The following SOAT2 variants were observed in gnomAD, a reference collection of about 807,000 sequenced individuals.
The protein encoded by SOAT2 is ACAT-2.
A neutral mutation model predicts 76.0 loss-of-function variants in SOAT2; 87 were observed. That is an observed-to-expected ratio of 1.14 (90% confidence interval 0.96 to 1.37). The LOEUF (loss-of-function observed/expected upper bound fraction) is 1.37. Ranked by LOEUF, SOAT2 falls within the 40% of genes most tolerant of loss-of-function variation. SOAT2 has a pLI of 0.00. For synonymous variants in SOAT2, 285 were observed against 275.4 expected, an observed-to-expected ratio of 1.03 and a Z score of -0.34; for missense variants, 686 against 682.1, an observed-to-expected ratio of 1.01 and a Z score of -0.06.
intron 7 of SOAT2, among the ~76,000 whole-genome samples, 174 bp downstream of exon 7, chr12:53,116,340 C>T (rs1347873745): frequency 3.9e-5 from 6 of 152,246 alleles, no homozygotes; most frequent in Non-Finnish European, 8.8e-5. Context: ...GCATTCTCAG[C>T]CCCTGCCTCT....
rs569736015 is a variant in SOAT2 at position 53,105,039 on chromosome 12, A to C, written c.139-68A>C. 3 of 1,467,124 alleles carry C rather than the reference A, an allele frequency of 2.0e-6. No homozygotes were observed. In the South Asian group the frequency reaches 3.7e-5, roughly 18 times the overall value. The allele number at this position is 1,467,124 out of a possible 1,614,324, so 90.9% of individuals were successfully genotyped here. A position where few individuals can be genotyped will look rare whatever the true frequency, so the allele number is the denominator to read the frequency against. ...GCCTGGCATAGACAGAAATTCAGTG[A>C]ATGTCTGGTGAATGAAAGGATGGCT... is the stretch of plus-strand genomic sequence containing the variant. On this transcript the variant is annotated intron_variant, in intron 2 of 14. Coordinates refer to ENST00000301466, the MANE Select transcript of SOAT2 (RefSeq NM_003578.4).
rs1408358168 is a variant in SOAT2 at position 53,103,679 on chromosome 12, GC to G, written c.82+21del. The stretch of plus-strand genomic sequence containing the variant: ...GAGATGGTGAGCCGCCCTCGGGGGT[GC>G]AGAAGGCACAGGCAAGTGGGGGGGA... On this transcript the variant is annotated intron_variant, in intron 1 of 14. Coordinates refer to ENST00000301466, the MANE Select transcript of SOAT2 (RefSeq NM_003578.4). The G allele has an allele frequency of 2.9e-5, 44 of 1,505,956 alleles. No individual in the cohort carries two copies. Among genetic ancestry groups the G allele is most frequent in the Non-Finnish European group, 3.7e-5 (42 of 1,128,806 alleles). The allele number at this position is 1,505,956 out of a possible 1,614,324, so 93.3% of individuals were successfully genotyped here.
chr12:53,124,114 C>T lies in SOAT2; in HGVS notation c.1560C>T (p.Cys520=), dbSNP rs1938239329. 7 of 1,614,034 alleles carry T rather than the reference C, an allele frequency of 4.3e-6. No homozygotes were observed. The highest frequency in any genetic ancestry group is 5.1e-6 in the Non-Finnish European group (6 of 1,180,024). ...TGGTGACACCTCGATCTTGGTCCTG[C>T]CATACCTAGAGGTCGGGACAGACGA... is the stretch of plus-strand genomic sequence containing the variant. ...WGLVTPRSWS[C]HT The change falls in exon 15 of 15, where the codon TGC becomes TGT. Residue 520 remains cysteine, a synonymous_variant. Coordinates refer to ENST00000301466, the MANE Select transcript of SOAT2 (RefSeq NM_003578.4).
chr12:53,114,711 ACT>A (rs1199552728), intron 5 of SOAT2, among the ~76,000 whole-genome samples: 1 of 152,034 alleles, frequency 6.6e-6, no homozygotes, highest in East Asian at 1.9e-4. Context: ...ACAGAGCGAG[ACT>A]CTGTCTCTAA....
At chr12:53,123,588 C>A in intron 13 of SOAT2, 140 bp from the exon 14 acceptor site, 1 of 986,008 alleles carries the variant, frequency 1.0e-6, no homozygotes, top group African/African-American at 1.6e-5. Flanking sequence ...TAGACCTCTA[C>A]GAATTTCTGC....
chr12:53,113,464 G>A (rs1938054966), intron 5 of SOAT2, among the ~76,000 whole-genome samples: 1 of 152,202 alleles, frequency 6.6e-6, no homozygotes, highest in African/African-American at 2.4e-5. Context: ...GGACCCTCCT[G>A]AAGACTGTCT....
At chr12:53,123,018 TG>T (rs1383127420) in intron 12 of SOAT2, 62 bp from the exon 13 acceptor site, 6 of 1,476,790 alleles carry the variant, frequency 4.1e-6, no homozygotes, top group Non-Finnish European at 5.4e-6. Flanking sequence ...GGGCTGGAGG[TG>T]GGGGCTCTTT....
chr12:53,121,486 G>C lies in SOAT2; in HGVS notation c.1236+85G>C. ...TCTCCTTCCCTCCTGCTACAGTGTG[G>C]CAACTACACCACTCACCTAAGGGCC... is the stretch of plus-strand genomic sequence containing the variant. On this transcript the variant is annotated intron_variant, in intron 12 of 14. Coordinates refer to ENST00000301466, the MANE Select transcript of SOAT2 (RefSeq NM_003578.4). The C allele has an allele frequency of 4.4e-6, 5 of 1,126,296 alleles. No individual in the cohort carries two copies. In the South Asian group the frequency reaches 6.4e-5, roughly 14 times the overall value. 69.8% of individuals were successfully genotyped at this position (1,126,296 alleles called of 1,614,324 possible).
intron 14 of SOAT2, 83 bp downstream of exon 14, chr12:53,123,956 A>G: frequency 6.2e-7 from 1 of 1,601,138 alleles, no homozygotes; most frequent in South Asian, 1.1e-5. Flanking sequence ...TCCCCAACTC[A>G]CCGGCCACAG....
intron 5 of SOAT2, among the ~76,000 whole-genome samples, chr12:53,109,425 C>A (rs1284019840): frequency 6.6e-6 from 1 of 151,976 alleles, no homozygotes; most frequent in African/African-American, 2.4e-5. Context: ...ACCAAATAAG[C>A]CAAATTTCAC....
chr12:53,103,968 G>A (rs1245091245), intron 1 of SOAT2, among the ~76,000 whole-genome samples, 183 bp from the exon 2 acceptor site: 1 of 152,110 alleles, frequency 6.6e-6, no homozygotes, highest in Non-Finnish European at 1.5e-5. Context: ...CTTGCCTATG[G>A]CCTCCTCACC....
intron 5 of SOAT2, among the ~76,000 whole-genome samples, chr12:53,109,748 CA>C (rs1937985639): frequency 6.6e-6 from 1 of 152,152 alleles, no homozygotes; most frequent in South Asian, 2.1e-4. Flanking sequence ...TTGACATTCC[CA>C]AAGTGCTGGG....
chr12:53,103,699 G>T (rs1002353204), intron 1 of SOAT2, 40 bp downstream of exon 1: 29 of 1,424,286 alleles, frequency 2.0e-5, no homozygotes, highest in South Asian at 2.7e-5. Context: ...CAGGCAAGTG[G>T]GGGGGAGGCG....
chr12:53,113,807 G>C (rs2121282378), intron 5 of SOAT2, among the ~76,000 whole-genome samples: 1 of 152,282 alleles, frequency 6.6e-6, no homozygotes, highest in South Asian at 2.1e-4. Context: ...GAGTCTTGAA[G>C]ACCTTCTTCT....
At chr12:53,104,229 G>A in intron 2 of SOAT2, 23 bp downstream of exon 2, 2 of 1,594,152 alleles carry the variant, frequency 1.3e-6, no homozygotes, top group Non-Finnish European at 1.7e-6. Context: ...AGAGGTCAGA[G>A]GTCAAGTGGA....
At chr12:53,105,061 G>A in intron 2 of SOAT2, 46 bp from the exon 3 acceptor site, 2 of 1,536,258 alleles carry the variant, frequency 1.3e-6, no homozygotes, top group South Asian at 2.4e-5. Flanking sequence ...ATGAAAGGAT[G>A]GCTGACTGGA....
At chr12:53,113,303 T>C (rs1938051618) in intron 5 of SOAT2, among the ~76,000 whole-genome samples, 2 of 152,088 alleles carry the variant, frequency 1.3e-5, no homozygotes, top group South Asian at 2.1e-4. Flanking sequence ...AGGAAAACAA[T>C]AGGCTCCCGG....
Position 53,111,112 on chromosome 12 carries a change from A to AT in SOAT2, c.444-4267dup, listed in dbSNP as rs1015051525. ...TTATTTATTTTAATCATTTGCCTAC[A>AT]TTTTTTTTTTTGAGATGGAGTCTCA... On this transcript the variant is annotated intron_variant, in intron 5 of 14. Transcript: ENST00000301466. Among the ~76,000 whole-genome samples, 182 of 143,288 alleles carry AT rather than the reference A, an allele frequency of 1.3e-3. 4 individuals are homozygous for AT. Among genetic ancestry groups the AT allele is most frequent in the East Asian group, 4.0e-3 (20 of 4,968 alleles). 94.0% of individuals were successfully genotyped at this position (143,288 alleles called of 152,430 possible).
At chr12:53,103,757 C>T in intron 1 of SOAT2, 98 bp downstream of exon 1, 1 of 1,030,488 alleles carries the variant, frequency 9.7e-7, no homozygotes, top group East Asian at 2.6e-5. Context: ...TGATGCCAAT[C>T]CTTCCTGCTG....
Sources: gnomAD v4.1 joint callset for allele counts (sites outside exome capture counted in the v4.1 genomes callset) on GRCh38, gnomAD v4.1.1 for gene constraint, MANE v1.5 for transcripts, NCBI Gene and HGNC (gene_info 2026-07-23, HGNC 2026-07-21) for gene names.